The following PPME1 variants were observed in gnomAD, a reference collection of about 807,000 sequenced individuals.
PPME1 encodes the protein testicular secretory protein Li 39.
PPME1 carries 17 observed loss-of-function variants against 56.9 expected under a neutral mutation model. That is an observed-to-expected ratio of 0.30 (90% CI 0.20 to 0.45). The LOEUF is 0.45. Ranked by LOEUF, PPME1 falls within the 20% of genes least tolerant of loss-of-function variation. The pLI is 1.00. For synonymous variants in PPME1, 122 were observed against 156.2 expected, an observed-to-expected ratio of 0.78 and a Z score of 1.63; for missense variants, 357 against 483.2, an observed-to-expected ratio of 0.74 and a Z score of 2.45.
In PPME1 at chr11:74,246,957, T is replaced by C; in HGVS notation, c.965-122T>C. 3.6e-6 allele frequency: 3 copies of C among 824,756 alleles called. No individual in the cohort carries two copies. The South Asian group carries it at 4.5e-5, about 12-fold the overall frequency. 51.1% of individuals were successfully genotyped at this position (824,756 alleles called of 1,614,324 possible). A position where few individuals can be genotyped will look rare whatever the true frequency, so the allele number is the denominator to read the frequency against. ...TTTATCTGGTGGTGAGAGTATGCTC[T>C]GGGAGTTAGGATTGGTATAAACATG... On this transcript the variant is annotated intron_variant, in intron 10 of 13. Transcript: ENST00000328257.
chr11:74,222,756 T>C, intron 4 of PPME1: 1 of 223,274 alleles, frequency 4.5e-6, no homozygotes, highest in Non-Finnish European at 9.1e-6. Context: ...CCCAGAGTGC[T>C]AGCATCACAG....
intron 13 of PPME1, among the ~76,000 whole-genome samples, chr11:74,252,894 C>G (rs1238543286): frequency 6.6e-6 from 1 of 152,070 alleles, no homozygotes; most frequent in Non-Finnish European, 1.5e-5. Context: ...TGGTATTGAC[C>G]CACCTCAGCC....
chr11:74,219,037 G>GA (rs1484965479), intron 3 of PPME1, among the ~76,000 whole-genome samples: 5 of 152,042 alleles, frequency 3.3e-5, no homozygotes, highest in Admixed American at 6.6e-5. Flanking sequence ...AACTCTATAG[G>GA]AAAAAATCTA....
intron 1 of PPME1, among the ~76,000 whole-genome samples, chr11:74,174,915 C>G (rs554267728): frequency 2.0e-5 from 3 of 152,300 alleles, no homozygotes; most frequent in East Asian, 1.9e-4. Context: ...AATCCATTCA[C>G]TTTTCAGTAC....
At chr11:74,219,970 C>T (rs762259102) in intron 3 of PPME1, among the ~76,000 whole-genome samples, 4 of 151,904 alleles carry the variant, frequency 2.6e-5, no homozygotes, top group East Asian at 1.9e-4. Flanking sequence ...CTCATTTGCC[C>T]GATGTGATGG....
chr11:74,182,994 CAA>C (rs34350281), intron 1 of PPME1, among the ~76,000 whole-genome samples: 141 of 129,468 alleles, frequency 1.1e-3, no homozygotes, highest in East Asian at 2.6e-3. Context: ...TTGTCTCTAC[CAA>C]AAAAAAAAAA....
intron 8 of PPME1, 37 bp downstream of exon 8, chr11:74,236,003 C>T (rs761035381): frequency 3.6e-5 from 57 of 1,602,206 alleles, no homozygotes; most frequent in South Asian, 2.6e-4. Flanking sequence ...TGGTTAGAGG[C>T]GGAAACATGG....
At chr11:74,241,972 T>A (rs1251863223) in intron 9 of PPME1, among the ~76,000 whole-genome samples, 2 of 152,238 alleles carry the variant, frequency 1.3e-5, no homozygotes, top group Admixed American at 6.5e-5. Flanking sequence ...TAGACGTTTT[T>A]AATTTTGATG....
chr11:74,203,402 G>A (rs1858227015), intron 1 of PPME1, among the ~76,000 whole-genome samples: 2 of 152,108 alleles, frequency 1.3e-5, no homozygotes, highest in African/African-American at 4.8e-5. Context: ...TGAAAAACTA[G>A]CAGGTTTTGT....
In PPME1 at chr11:74,217,371, G is replaced by A. The variant is rs146323691; in HGVS notation, c.289-4941G>A. Among the ~76,000 whole-genome samples, 269 of 151,736 alleles carry A rather than the reference G, an allele frequency of 1.8e-3. 1 individual carries two copies. Among genetic ancestry groups the A allele is most frequent in the African/African-American group, 6.2e-3 (255 of 41,404 alleles). On this transcript the variant is annotated intron_variant, in intron 3 of 13. Transcript: ENST00000328257. The stretch of plus-strand genomic sequence containing the variant: ...AGCCTGGCCAACATGGTGAAACCCC[G>A]TCTCTTCTAAAAATACAAAAATTAG...
At chr11:74,224,288 G>A (rs1405271919) in intron 4 of PPME1, among the ~76,000 whole-genome samples, 1 of 145,246 alleles carries the variant, frequency 6.9e-6, no homozygotes, top group East Asian at 2.0e-4. Context: ...GCTCTGTTCT[G>A]TTCCATTGAT....
chr11:74,204,754 TAAA>T lies in PPME1; in HGVS notation c.288+313_288+315del, dbSNP rs1239218665. On this transcript the variant is annotated intron_variant, in intron 3 of 13. Transcript: ENST00000328257. Reference sequence around the variant, plus strand: ...ATGTGAAAGAAAAATTTAAAAATGTTAAAAAAGGGTTTGGAAGCTGGCAAGTTC... The same window carrying T: ...ATGTGAAAGAAAAATTTAAAAATGTTAAAGGGTTTGGAAGCTGGCAAGTTC... 6.9e-5 allele frequency: 14 copies of T among 202,544 alleles called. No individual in the cohort carries two copies. The Admixed American group carries it at 8.1e-4, about 12-fold the overall frequency. The allele number at this position is 202,544 out of a possible 1,614,324, so 12.5% of individuals were successfully genotyped here.
intron 1 of PPME1, among the ~76,000 whole-genome samples, chr11:74,179,395 T>C (rs894572198): frequency 6.6e-6 from 1 of 152,154 alleles, no homozygotes; most frequent in African/African-American, 2.4e-5. Flanking sequence ...CTTGAGAGAC[T>C]GAGATGGGAG....
intron 1 of PPME1, among the ~76,000 whole-genome samples, chr11:74,200,923 T>A (rs1858144860): frequency 6.6e-6 from 1 of 152,096 alleles, no homozygotes; most frequent in African/African-American, 2.4e-5. Context: ...TGGGCTCAAT[T>A]TATCTTCCCA....
intron 1 of PPME1, among the ~76,000 whole-genome samples, chr11:74,196,396 G>T (rs1239188034): frequency 6.6e-6 from 1 of 152,090 alleles, no homozygotes; most frequent in Non-Finnish European, 1.5e-5. Flanking sequence ...CTTGTATTTA[G>T]GTTTATGATA....
chr11:74,204,594 G>GACA, intron 3 of PPME1, 149 bp downstream of exon 3: 3 of 626,402 alleles, frequency 4.8e-6, no homozygotes, highest in Non-Finnish European at 5.6e-6. Context: ...ATGTTCTTCA[G>GACA]TATGTCTGAA....
intron 4 of PPME1, 122 bp downstream of exon 4, chr11:74,222,491 TTTG>T: frequency 1.1e-6 from 1 of 885,188 alleles, no homozygotes; most frequent in Non-Finnish European, 1.8e-6. Flanking sequence ...ATTTGAGCTT[TTTG>T]TTGTTGTCGT....
chr11:74,181,194 G>A (rs1346099874), intron 1 of PPME1, among the ~76,000 whole-genome samples: 1 of 151,850 alleles, frequency 6.6e-6, no homozygotes, highest in East Asian at 1.9e-4. Flanking sequence ...ACAGGCGCCT[G>A]CCACCGCGCC....
chr11:74,182,716 A>C (rs758406068), intron 1 of PPME1, among the ~76,000 whole-genome samples: 1 of 152,176 alleles, frequency 6.6e-6, no homozygotes, highest in Admixed American at 6.5e-5. Flanking sequence ...CCAAAACCAG[A>C]ATCAAAATTT....
Sources: allele counts gnomAD v4.1 joint callset (sites outside exome capture counted in the v4.1 genomes callset), GRCh38; gene constraint gnomAD v4.1.1; transcripts MANE v1.5; gene names NCBI Gene and HGNC (gene_info 2026-07-23, HGNC 2026-07-21).